Variants in C9orf85 observed in about 807,000 individuals in gnomAD.
C9orf85 encodes chromosome 9 open reading frame 85, also known as uncharacterized protein C9orf85.
Under a neutral mutation model 14.9 loss-of-function variants are expected in C9orf85, and 16 were observed. The observed-to-expected ratio is 1.08, with a 90% CI of 0.73 to 1.63. C9orf85 has a LOEUF of 1.63. Ranked by LOEUF, C9orf85 falls within the 40% of genes most tolerant of loss-of-function variation. The pLI is 0.00. For missense variants in C9orf85, 172 were observed against 186.1 expected, an observed-to-expected ratio of 0.92 and a Z score of 0.44; for synonymous variants, 45 against 56.8, an observed-to-expected ratio of 0.79 and a Z score of 0.93.
At chr9:71,921,556 G>C (rs1827807791) in intron 1 of C9orf85, among the ~76,000 whole-genome samples, 1 of 152,166 alleles carries the variant, frequency 6.6e-6, no homozygotes, top group South Asian at 2.1e-4. Context: ...AGTGATTTAT[G>C]TGTTAGCCTG....
chr9:71,951,291 T>C (rs1374473473), intron 2 of C9orf85, among the ~76,000 whole-genome samples: 4 of 152,198 alleles, frequency 2.6e-5, no homozygotes, highest in Non-Finnish European at 4.4e-5. Flanking sequence ...GAGGATAGGA[T>C]GATGGCTATG....
At chr9:71,967,090 A>C (rs970989548) in intron 2 of C9orf85, among the ~76,000 whole-genome samples, 2 of 152,114 alleles carry the variant, frequency 1.3e-5, no homozygotes, top group African/African-American at 4.8e-5. Context: ...TTTATTCTGG[A>C]GAGGGCCCAT....
chr9:71,973,669 C>T (rs914658795), downstream of C9orf85, among the ~76,000 whole-genome samples: 9 of 151,974 alleles, frequency 5.9e-5, no homozygotes. Flanking sequence ...AAGGAAAGTT[C>T]ATGCATTTAC....
At chr9:71,942,972 G>A (rs559487461) in intron 1 of C9orf85, among the ~76,000 whole-genome samples, 10 of 151,588 alleles carry the variant, frequency 6.6e-5, no homozygotes, top group African/African-American at 2.2e-4. Flanking sequence ...AGTCACGTGA[G>A]TTCTTGCCCC....
chr9:71,941,013 G>A (rs955340537), intron 1 of C9orf85, among the ~76,000 whole-genome samples: 7 of 152,098 alleles, frequency 4.6e-5, no homozygotes, highest in African/African-American at 1.7e-4. Context: ...ACAACCAAGG[G>A]GAATTAGAGA....
At chr9:71,970,809 C>G (rs1367347254) in intron 2 of C9orf85, among the ~76,000 whole-genome samples, 1 of 143,232 alleles carries the variant, frequency 7.0e-6, no homozygotes, top group African/African-American at 2.6e-5. Flanking sequence ...GCTATCTTCT[C>G]AATATTCTCA....
chr9:71,964,496 A>G (rs944049123), intron 2 of C9orf85, among the ~76,000 whole-genome samples: 2 of 152,150 alleles, frequency 1.3e-5, no homozygotes, highest in Non-Finnish European at 2.9e-5. Flanking sequence ...ACCGGGAGCA[A>G]TAAACAACTC....
intron 1 of C9orf85, among the ~76,000 whole-genome samples, chr9:71,915,415 G>A (rs926234014): frequency 2.0e-5 from 3 of 151,898 alleles, no homozygotes; most frequent in African/African-American, 7.3e-5. Flanking sequence ...GACCTCAAGC[G>A]ATCTGCCCAC....
intron 3 of C9orf85, among the ~76,000 whole-genome samples, chr9:71,982,360 C>T (rs1229149640): frequency 6.6e-6 from 1 of 151,962 alleles, no homozygotes. Context: ...CATGCAAACT[C>T]TTTGTGTGGA....
chr9:71,921,103 G>A (rs1827792363), intron 1 of C9orf85, among the ~76,000 whole-genome samples: 1 of 152,152 alleles, frequency 6.6e-6, no homozygotes, highest in Non-Finnish European at 1.5e-5. Context: ...TGACTCTAGT[G>A]TAGTATCACA....
chr9:71,940,620 C>CATAT (rs1821898940), intron 1 of C9orf85, among the ~76,000 whole-genome samples: 1 of 152,270 alleles, frequency 6.6e-6, no homozygotes, highest in South Asian at 2.1e-4. Context: ...ACTGGATCTT[C>CATAT]ATATATGGCT....
At chr9:71,971,994 A>G (rs961561079) in intron 3 of C9orf85, among the ~76,000 whole-genome samples, 20 of 151,516 alleles carry the variant, frequency 1.3e-4, no homozygotes, top group Admixed American at 5.9e-4. Flanking sequence ...AAAAAAAAAA[A>G]AGAGATGATC....
intron 1 of C9orf85, among the ~76,000 whole-genome samples, chr9:71,934,161 T>C (rs1308494408): frequency 6.7e-6 from 1 of 149,008 alleles, no homozygotes; most frequent in Non-Finnish European, 1.5e-5. Context: ...CTGGCCAACA[T>C]GGTGAAACCC....
At chr9:71,917,399 A>G (rs969866391) in intron 1 of C9orf85, among the ~76,000 whole-genome samples, 3 of 152,220 alleles carry the variant, frequency 2.0e-5, no homozygotes, top group Non-Finnish European at 4.4e-5. Context: ...ATGTGAAAGT[A>G]GATACTAATT....
At chr9:71,960,747 A>G (rs889366971) in intron 2 of C9orf85, among the ~76,000 whole-genome samples, 4 of 151,912 alleles carry the variant, frequency 2.6e-5, no homozygotes, top group Admixed American at 2.6e-4. Context: ...GGGTTTCATC[A>G]TGTTGGCCAG....
At chr9:71,963,921 C>A (rs4745142) in intron 2 of C9orf85, among the ~76,000 whole-genome samples, 122,817 of 152,074 alleles carry the variant, frequency 0.81, 50,531 homozygotes, top group East Asian at 0.93. Flanking sequence ...CTGAGGAGTG[C>A]GGGCGCACGG....
intron 1 of C9orf85, among the ~76,000 whole-genome samples, chr9:71,931,166 A>C (rs185985227): frequency 6.6e-6 from 1 of 152,354 alleles, no homozygotes; most frequent in East Asian, 1.9e-4. Context: ...TTAGTCATAC[A>C]GAGTGAGAAT....
intron 1 of C9orf85, among the ~76,000 whole-genome samples, chr9:71,916,350 G>T (rs956903814): frequency 6.6e-6 from 1 of 151,962 alleles, no homozygotes; most frequent in Non-Finnish European, 1.5e-5. Context: ...GAGCCCCAAG[G>T]TCATGTATCT....
At chr9:71,926,353 T>G (rs754375166) in intron 1 of C9orf85, among the ~76,000 whole-genome samples, 2 of 152,226 alleles carry the variant, frequency 1.3e-5, no homozygotes, top group African/African-American at 2.4e-5. Flanking sequence ...TAATTTTATT[T>G]AATTTTAGTT....
Sources: allele counts gnomAD v4.1 joint callset (sites outside exome capture counted in the v4.1 genomes callset), GRCh38; gene constraint gnomAD v4.1.1; transcripts MANE v1.5; gene names NCBI Gene and HGNC (gene_info 2026-07-23, HGNC 2026-07-21).